Variants in LANCL2 observed in about 807,000 individuals in gnomAD.
The protein encoded by LANCL2 is lanC-like protein 2.
A neutral mutation model predicts 56.9 loss-of-function variants in LANCL2; 33 were observed. The ratio of observed to expected loss-of-function variants is 0.58; its 90% CI spans 0.44 to 0.78. LANCL2 has a LOEUF of 0.78. LANCL2 is among the 30% of genes least tolerant of loss of function. LANCL2 has a pLI of 0.00. For missense variants in LANCL2, 562 were observed against 580.2 expected, an observed-to-expected ratio of 0.97 and a Z score of 0.32; for synonymous variants, 233 against 228.2, an observed-to-expected ratio of 1.02 and a Z score of -0.19.
rs773740157 is a variant in LANCL2 at position 55,412,104 on chromosome 7, C to T, written c.1008+15C>T. On this transcript the variant is annotated intron_variant, in intron 6 of 8. Coordinates refer to ENST00000254770, the MANE Select transcript of LANCL2 (RefSeq NM_018697.4). The stretch of plus-strand genomic sequence containing the variant: ...AGGCGTACAAGGTCAGTGCTTCCGC[C>T]GTCACGGCCGTCCCCTGTGTGGGGA... 1.7e-5 allele frequency: 27 copies of T among 1,602,684 alleles called. No individual in the cohort carries two copies. Among genetic ancestry groups the T allele is most frequent in the Admixed American group, 5.1e-5 (3 of 59,192 alleles).
chr7:55,415,901 C>G (rs1204232763), intron 6 of LANCL2, among the ~76,000 whole-genome samples: 1 of 152,120 alleles, frequency 6.6e-6, no homozygotes, highest in Non-Finnish European at 1.5e-5. Context: ...GGGCATGAGC[C>G]ACTGTGTCCG....
At chr7:55,419,926 G>A (rs374122863) in intron 6 of LANCL2, among the ~76,000 whole-genome samples, 1 of 152,068 alleles carries the variant, frequency 6.6e-6, no homozygotes, top group East Asian at 1.9e-4. Flanking sequence ...GGCCAAGGTG[G>A]AGGATAGCTT....
In LANCL2 at chr7:55,374,302, G is replaced by A. The variant is rs191775559; in HGVS notation, c.204+8073G>A. ...AATTGGATTGAGGTGTGTGTGCTTA[G>A]GATATGTAATCTAGAATATTTTCTG... On this transcript the variant is annotated intron_variant, in intron 1 of 8. Coordinates refer to ENST00000254770, the MANE Select transcript of LANCL2 (RefSeq NM_018697.4). 2.8e-3 allele frequency among the ~76,000 whole-genome samples: 434 copies of A among 152,294 alleles called. 3 individuals are homozygous for A. The highest frequency in any genetic ancestry group is 9.9e-3 in the African/African-American group (410 of 41,562).
At chr7:55,368,722 G>A (rs1163749041) in intron 1 of LANCL2, among the ~76,000 whole-genome samples, 1 of 152,042 alleles carries the variant, frequency 6.6e-6, no homozygotes, top group Non-Finnish European at 1.5e-5. Flanking sequence ...AGGTATTGAA[G>A]GTTGAAGTCC....
chr7:55,411,349 T>C (rs1420432180), intron 5 of LANCL2: 1 of 152,274 alleles, frequency 6.6e-6, no homozygotes, highest in African/African-American at 2.4e-5. Context: ...TAACATTTAA[T>C]GAGTGCTTTC....
At chr7:55,381,597 G>A (rs1790069443) in intron 1 of LANCL2, among the ~76,000 whole-genome samples, 1 of 152,218 alleles carries the variant, frequency 6.6e-6, no homozygotes, top group Non-Finnish European at 1.5e-5. Flanking sequence ...GCTATCTGTA[G>A]AACCAGGAAC....
At chr7:55,420,187 A>G (rs371523104) in intron 6 of LANCL2, among the ~76,000 whole-genome samples, 6 of 152,186 alleles carry the variant, frequency 3.9e-5, no homozygotes, top group East Asian at 3.8e-4. Flanking sequence ...TTTCTAATAC[A>G]GGCATTTAAA....
At chr7:55,411,756 C>T in intron 5 of LANCL2, 151 bp from the exon 6 acceptor site, 1 of 781,760 alleles carries the variant, frequency 1.3e-6, no homozygotes, top group Non-Finnish European at 2.0e-6. Flanking sequence ...CAAGTTTTGC[C>T]TAAGTCTTAA....
At chr7:55,393,283 A>T (rs1790212839) in intron 2 of LANCL2, among the ~76,000 whole-genome samples, 1 of 152,260 alleles carries the variant, frequency 6.6e-6, no homozygotes, top group South Asian at 2.1e-4. Context: ...TGTAATCCAA[A>T]GCACTTTGGG....
chr7:55,402,517 C>T (rs1298619263), intron 5 of LANCL2, among the ~76,000 whole-genome samples: 1 of 139,706 alleles, frequency 7.2e-6, no homozygotes, highest in African/African-American at 2.7e-5. Flanking sequence ...GAGGCGCCCC[C>T]CACCTCCCGG....
chr7:55,371,713 A>C (rs1407077806), intron 1 of LANCL2, among the ~76,000 whole-genome samples: 1 of 152,162 alleles, frequency 6.6e-6, no homozygotes, highest in Non-Finnish European at 1.5e-5. Flanking sequence ...AAATCAGGAA[A>C]ACTTGTCTGT....
At chr7:55,411,239 AC>A (rs1790467107) in intron 5 of LANCL2, 1 of 152,198 alleles carries the variant, frequency 6.6e-6, no homozygotes, top group African/African-American at 2.4e-5. Flanking sequence ...TTTTAAAAAA[AC>A]AGTGCCTCAA....
Position 55,403,760 on chromosome 7 carries a change from C to T in LANCL2, c.825+2440C>T, listed in dbSNP as rs547769750. Reference sequence around the variant, plus strand: ...CTAATTTTTGTATTTTTAGTAGAGACGGGGTTTCACCATATCGGCCAGGCT... The same window carrying T: ...CTAATTTTTGTATTTTTAGTAGAGATGGGGTTTCACCATATCGGCCAGGCT... On this transcript the variant is annotated intron_variant, in intron 5 of 8. Transcript: ENST00000254770. Among the ~76,000 whole-genome samples the T allele has an allele frequency of 2.6e-5, 4 of 151,788 alleles. No individual in the cohort carries two copies. The South Asian group carries it at 6.2e-4, about 24-fold the overall frequency.
At chr7:55,420,723 A>C (rs755340493) in intron 6 of LANCL2, among the ~76,000 whole-genome samples, 2 of 152,242 alleles carry the variant, frequency 1.3e-5, no homozygotes, top group African/African-American at 4.8e-5. Flanking sequence ...ATGAACCATC[A>C]TGACCTCACT....
intron 1 of LANCL2, among the ~76,000 whole-genome samples, chr7:55,374,245 C>T (rs573885103): frequency 1.3e-5 from 2 of 152,282 alleles, no homozygotes; most frequent in South Asian, 2.1e-4. Flanking sequence ...ACGAAGCATA[C>T]ATAGCAGATG....
At chr7:55,384,568 TAAAA>T (rs988666609) in intron 1 of LANCL2, among the ~76,000 whole-genome samples, 2 of 150,202 alleles carry the variant, frequency 1.3e-5, no homozygotes, top group Non-Finnish European at 3.0e-5. Flanking sequence ...AATAATTAAT[TAAAA>T]AAAAAGAAAT....
intron 2 of LANCL2, among the ~76,000 whole-genome samples, chr7:55,398,009 G>A (rs1790276504): frequency 6.6e-6 from 1 of 152,134 alleles, no homozygotes; most frequent in African/African-American, 2.4e-5. Flanking sequence ...GCAATCATTT[G>A]GGATAACATA....
chr7:55,373,427 A>G (rs1228340472), intron 1 of LANCL2, among the ~76,000 whole-genome samples: 2 of 152,000 alleles, frequency 1.3e-5, no homozygotes, highest in Non-Finnish European at 2.9e-5. Context: ...AGTAGCTGGG[A>G]CTGCAGGTGT....
intron 1 of LANCL2, among the ~76,000 whole-genome samples, chr7:55,370,326 A>G (rs1355541237): frequency 1.3e-5 from 2 of 152,212 alleles, no homozygotes; most frequent in Non-Finnish European, 2.9e-5. Context: ...ATGTAATCTC[A>G]GAAGTGACAT....
Sources: allele counts gnomAD v4.1 joint callset (sites outside exome capture counted in the v4.1 genomes callset), GRCh38; gene constraint gnomAD v4.1.1; transcripts MANE v1.5; gene names NCBI Gene and HGNC (gene_info 2026-07-23, HGNC 2026-07-21).